Variants in LRMDA observed in about 807,000 individuals in gnomAD.
LRMDA encodes the protein leucine-rich melanocyte differentiation-associated protein.
A neutral mutation model predicts 29.8 loss-of-function variants in LRMDA; 18 were observed. That is an observed-to-expected ratio of 0.60 (90% CI 0.42 to 0.90). LRMDA has a LOEUF of 0.90. LRMDA is among the 40% of genes least tolerant of loss of function. LRMDA has a pLI of 0.00. For synonymous variants in LRMDA, 125 were observed against 109.4 expected, an observed-to-expected ratio of 1.14 and a Z score of -0.89; for missense variants, 273 against 273.9, an observed-to-expected ratio of 1.00 and a Z score of 0.02.
At chr10:76,327,426 C>G (rs1171161502) in intron 6 of LRMDA, among the ~76,000 whole-genome samples, 1 of 152,144 alleles carries the variant, frequency 6.6e-6, no homozygotes. Context: ...ACTGCCCATT[C>G]TTCAGGTATC....
At chr10:76,062,656 CTGTGTGTGTGTGTG>C (rs376071517) in intron 5 of LRMDA, among the ~76,000 whole-genome samples, 10 of 139,282 alleles carry the variant, frequency 7.2e-5, no homozygotes, top group Admixed American at 2.1e-4. Context: ...CTTTATCTCT[CTGTGTGTGTGTGTG>C]TGTGTGTGTG....
intron 2 of LRMDA, among the ~76,000 whole-genome samples, chr10:75,590,633 T>G (rs1840710794): frequency 6.6e-6 from 1 of 151,834 alleles, no homozygotes; most frequent in Non-Finnish European, 1.5e-5. Flanking sequence ...TGGAAGTTGG[T>G]AGCTATTATA....
At chr10:75,805,485 G>A (rs1019366006) in intron 2 of LRMDA, among the ~76,000 whole-genome samples, 2 of 152,190 alleles carry the variant, frequency 1.3e-5, no homozygotes, top group Non-Finnish European at 2.9e-5. Flanking sequence ...ACATTTCCAG[G>A]CACCTGAGTT....
intron 2 of LRMDA, among the ~76,000 whole-genome samples, chr10:75,522,911 A>G (rs1412975139): frequency 1.3e-5 from 2 of 152,218 alleles, no homozygotes; most frequent in South Asian, 2.1e-4. Flanking sequence ...AGTGGTCCCC[A>G]CAGCAGAAGC....
chr10:75,684,622 A>T (rs1487080637), intron 2 of LRMDA, among the ~76,000 whole-genome samples: 1 of 152,208 alleles, frequency 6.6e-6, no homozygotes, highest in Non-Finnish European at 1.5e-5. Context: ...GCCTGCCATC[A>T]ACTTGACTTC....
intron 5 of LRMDA, among the ~76,000 whole-genome samples, chr10:76,145,714 A>C (rs186993075): frequency 6.6e-6 from 1 of 151,352 alleles, no homozygotes; most frequent in African/African-American, 2.4e-5. Context: ...GATCTTAGTT[A>C]TTTCTTGCCT....
At chr10:75,966,786 G>C (rs1846868258) in intron 2 of LRMDA, among the ~76,000 whole-genome samples, 1 of 152,168 alleles carries the variant, frequency 6.6e-6, no homozygotes, top group African/African-American at 2.4e-5. Flanking sequence ...TTGTGACCTT[G>C]GGCAAATTAC....
At chr10:75,453,051 G>A (rs1417796010) in intron 2 of LRMDA, among the ~76,000 whole-genome samples, 2 of 152,200 alleles carry the variant, frequency 1.3e-5, no homozygotes, top group Non-Finnish European at 2.9e-5. Context: ...GAGGGGTAAT[G>A]TTACCTGGAA....
chr10:76,391,760 T>A (rs1841725708), intron 6 of LRMDA, among the ~76,000 whole-genome samples: 1 of 152,184 alleles, frequency 6.6e-6, no homozygotes, highest in Admixed American at 6.5e-5. Context: ...CTGATTCTCA[T>A]AGCTCTTGTC....
chr10:76,390,927 C>T (rs1907335), intron 6 of LRMDA, among the ~76,000 whole-genome samples: 17,442 of 152,076 alleles, frequency 0.11, 1,128 homozygotes, highest in East Asian at 0.3. Context: ...TGTGTATTCA[C>T]GTGGAGAGAG....
At chr10:75,601,699 A>G (rs1218888699) in intron 2 of LRMDA, among the ~76,000 whole-genome samples, 2 of 152,230 alleles carry the variant, frequency 1.3e-5, no homozygotes, top group African/African-American at 4.8e-5. Context: ...TAGCTTATCT[A>G]ACATCTATTG....
At chr10:75,822,191 G>A (rs1339636324) in intron 2 of LRMDA, among the ~76,000 whole-genome samples, 2 of 152,058 alleles carry the variant, frequency 1.3e-5, no homozygotes, top group East Asian at 3.8e-4. Flanking sequence ...AAGCTGAGAA[G>A]CAAATCAAAG....
intron 2 of LRMDA, among the ~76,000 whole-genome samples, chr10:75,643,594 G>T (rs1045713345): frequency 6.6e-6 from 1 of 152,162 alleles, no homozygotes. Context: ...AGGGCATATT[G>T]CTGTGAGATG....
At chr10:75,550,441 C>T (rs1242534239) in intron 2 of LRMDA, among the ~76,000 whole-genome samples, 2 of 152,004 alleles carry the variant, frequency 1.3e-5, no homozygotes, top group Non-Finnish European at 2.9e-5. Context: ...TAAACATATT[C>T]CTTGTTCTGA....
intron 2 of LRMDA, among the ~76,000 whole-genome samples, chr10:75,869,275 A>C (rs1251869955): frequency 3.9e-5 from 6 of 152,166 alleles, no homozygotes; most frequent in Non-Finnish European, 7.4e-5. Flanking sequence ...TGCATCATAC[A>C]GATGGTTAAT....
At chr10:76,184,361 A>G (rs1851108886) in intron 5 of LRMDA, among the ~76,000 whole-genome samples, 3 of 152,192 alleles carry the variant, frequency 2.0e-5, no homozygotes, top group Admixed American at 6.5e-5. Flanking sequence ...TGTTATGTCT[A>G]TTCTCCTTAA....
At chr10:76,236,642 G>A (rs544905400) in intron 5 of LRMDA, among the ~76,000 whole-genome samples, 6 of 152,220 alleles carry the variant, frequency 3.9e-5, no homozygotes, top group East Asian at 1.9e-4. Context: ...CTGTCTCCTC[G>A]TTTAGTGGCC....
intron 2 of LRMDA, among the ~76,000 whole-genome samples, chr10:76,007,015 T>TGTGTGTGC (rs1847678522): frequency 8.6e-6 from 1 of 116,148 alleles, no homozygotes; most frequent in Non-Finnish European, 1.8e-5. Flanking sequence ...TGTGTGTGTG[T>TGTGTGTGC]GTGTGTGTGT....
At chr10:75,614,910 G>C (rs1369743023) in intron 2 of LRMDA, among the ~76,000 whole-genome samples, 1 of 152,156 alleles carries the variant, frequency 6.6e-6, no homozygotes, top group Non-Finnish European at 1.5e-5. Context: ...AAAAGAGGAG[G>C]CTGGCTTCTC....
Sources: allele counts gnomAD v4.1 joint callset (sites outside exome capture counted in the v4.1 genomes callset), GRCh38; gene constraint gnomAD v4.1.1; transcripts MANE v1.5; gene names NCBI Gene and HGNC (gene_info 2026-07-23, HGNC 2026-07-21).